Variants in PRMT8 observed in about 807,000 individuals in gnomAD.
PRMT8 encodes the protein protein arginine methyltransferase 8, also known as protein arginine N-methyltransferase 8.
In PRMT8, 7 loss-of-function variants were observed where a neutral mutation model predicts 47.1. The observed-to-expected ratio is 0.15, with a 90% confidence interval of 0.08 to 0.28. The LOEUF is 0.28. Among genes scored for constraint, PRMT8 ranks in the 10% least tolerant of loss-of-function variants. The pLI is 1.00. For synonymous variants in PRMT8, 188 were observed against 186.5 expected (o/e 1.01, Z -0.07); for missense variants, 237 against 505.4 (o/e 0.47, Z 5.09).
chr12:3,515,044 A>G (rs1270119240), intron 1 of PRMT8, among the ~76,000 whole-genome samples: 1 of 152,174 alleles, frequency 6.6e-6, no homozygotes, highest in Non-Finnish European at 1.5e-5. Flanking sequence ...TAAATCCTAA[A>G]AAAATCCTCT....
rs1238266036 is a variant in PRMT8, at chr12:3,409,644, T to C, written c.48+28202T>C. On this transcript the variant is annotated intron_variant, in intron 1 of 9. Coordinates refer to the PRMT8 transcript ENST00000452611. This position sits in a 1 kb window ranked among gnomAD's most constrained non-coding sequence, Gnocchi z 4.4. ...TTGGCCTGGGGGCGGGGGTGAGGTGTCCCATCTCAGTCAATGCTCTGTTTT... is the reference window on the plus strand; with the variant it reads ...TTGGCCTGGGGGCGGGGGTGAGGTGCCCCATCTCAGTCAATGCTCTGTTTT... Among the ~76,000 whole-genome samples the C allele has an allele frequency of 6.6e-6, 1 of 151,992 alleles. No homozygotes were observed. The highest frequency in any genetic ancestry group is 6.5e-5 in the Admixed American group (1 of 15,276).
At chr12:3,407,073 C>T (rs557098803) in intron 1 of PRMT8, among the ~76,000 whole-genome samples, 8 of 152,168 alleles carry the variant, frequency 5.3e-5, no homozygotes, top group South Asian at 2.1e-4. Flanking sequence ...ACAATCATGA[C>T]AGAAAGGGAA....
intron 1 of PRMT8, among the ~76,000 whole-genome samples, 156 bp downstream of exon 1, chr12:3,491,856 G>A (rs569914880): frequency 1.3e-4 from 14 of 108,148 alleles, no homozygotes; most frequent in South Asian, 3.8e-4. Flanking sequence ...GTGTGTGTGT[G>A]TGTGTGTGTG....
At position 3,535,005 on chromosome 12, in the gene PRMT8, G is replaced by A. The variant is rs752847149; in HGVS notation, c.76-5601G>A. ...CTATCTATAAAGTGCTTGGCGCAGC[G>A]CCTGGGGCGCAGTGGGCCCTTAGTC... On this transcript the variant is annotated intron_variant, in intron 1 of 9. Transcript: ENST00000382622. This position sits in a 1 kb window ranked among gnomAD's most constrained non-coding sequence, Gnocchi z 4.7. Among the ~76,000 whole-genome samples the A allele has an allele frequency of 1.1e-4, 16 of 152,258 alleles. No individual in the cohort carries two copies. The highest frequency in any genetic ancestry group is 1.8e-4 in the Non-Finnish European group (12 of 68,050).
intron 1 of PRMT8, among the ~76,000 whole-genome samples, chr12:3,434,918 A>G (rs1210374220): frequency 2.0e-5 from 3 of 151,414 alleles, no homozygotes; most frequent in Non-Finnish European, 4.4e-5. Flanking sequence ...CAGGCCAGAC[A>G]AAGATCTCAG....
chr12:3,476,569 A>ATC (rs1417703932), intron 1 of PRMT8, among the ~76,000 whole-genome samples: 7 of 152,004 alleles, frequency 4.6e-5, no homozygotes, highest in Admixed American at 6.6e-5. Context: ...TCCCTCTCCC[A>ATC]TCTCTCTCTC....
rs925271362 is a variant in PRMT8, at chr12:3,576,690, G to A, written c.713-181G>A. Among the ~76,000 whole-genome samples the A allele has an allele frequency of 3.9e-5, 6 of 152,172 alleles. No homozygotes were observed. The East Asian group carries it at 5.8e-4, about 15-fold the overall frequency. On this transcript the variant is annotated intron_variant, in intron 6 of 9. Transcript: ENST00000382622. The surrounding 1 kb of genome is among the most constrained non-coding windows in gnomAD (Gnocchi z 4.0). ...CTTTTCCCGAGGTAGAAATGGAAAT[G>A]GGAGTGAGCATTTGGCACATTGCAA...
At chr12:3,397,886 G>C (rs1331897977) in intron 1 of PRMT8, among the ~76,000 whole-genome samples, 1 of 152,210 alleles carries the variant, frequency 6.6e-6, no homozygotes. Context: ...AGGACCCTCC[G>C]AGCCAGGTGT....
At chr12:3,585,530 T>TA (rs1867152723) in intron 8 of PRMT8, among the ~76,000 whole-genome samples, 1 of 78,150 alleles carries the variant, frequency 1.3e-5, no homozygotes, top group South Asian at 3.3e-4. Context: ...GGATACTTTT[T>TA]AATTTTTTTT....
chr12:3,434,735 A>G (rs1846538178), intron 1 of PRMT8, among the ~76,000 whole-genome samples: 1 of 126,996 alleles, frequency 7.9e-6, no homozygotes, highest in Non-Finnish European at 1.7e-5. Flanking sequence ...GGTGAACATG[A>G]ATGAAGCCCC....
intron 1 of PRMT8, among the ~76,000 whole-genome samples, chr12:3,406,002 C>G (rs867796114): frequency 1.3e-5 from 2 of 152,224 alleles, no homozygotes; most frequent in South Asian, 2.1e-4. Context: ...GATGAGGGCT[C>G]CACCCCTGCA....
intron 1 of PRMT8, among the ~76,000 whole-genome samples, chr12:3,467,237 C>CT (rs1461100162): frequency 2.9e-5 from 1 of 34,482 alleles, no homozygotes; most frequent in Non-Finnish European, 6.0e-5. Flanking sequence ...AAGACTCCAT[C>CT]TCAAAAAAAA....
chr12:3,441,750 T>C (rs570357541), intron 1 of PRMT8, among the ~76,000 whole-genome samples: 58 of 152,228 alleles, frequency 3.8e-4, no homozygotes, highest in Non-Finnish European at 6.9e-4. Context: ...TGCAATGTAA[T>C]TGGGAATATT....
In PRMT8 at chr12:3,576,438, A is replaced by T. The variant is rs1373756340; in HGVS notation, c.713-433A>T. On this transcript the variant is annotated intron_variant, in intron 6 of 9. Coordinates refer to ENST00000382622, the MANE Select transcript of PRMT8 (RefSeq NM_019854.5). The surrounding 1 kb of genome is among the most constrained non-coding windows in gnomAD (Gnocchi z 4.0). ...GAAAAGGGAGAGAGATGGGCCTTCT[A>T]GGTCTTCTAGGTGTGGAGAACAGCT... Among the ~76,000 whole-genome samples the T allele has an allele frequency of 1.3e-5, 2 of 152,190 alleles. No homozygotes were observed. The highest frequency in any genetic ancestry group is 6.5e-5 in the Admixed American group (1 of 15,276).
At chr12:3,484,709 G>A (rs879879387) in intron 1 of PRMT8, among the ~76,000 whole-genome samples, 1 of 152,190 alleles carries the variant, frequency 6.6e-6, no homozygotes, top group Non-Finnish European at 1.5e-5. Flanking sequence ...TCTGTTAAAC[G>A]CCTCCTTCAT....
At chr12:3,457,459 C>A (rs981171786) in intron 1 of PRMT8, among the ~76,000 whole-genome samples, 4 of 152,074 alleles carry the variant, frequency 2.6e-5, no homozygotes, top group African/African-American at 9.7e-5. Flanking sequence ...CAGGTGCATG[C>A]GCCACCACAT....
intron 1 of PRMT8, among the ~76,000 whole-genome samples, chr12:3,382,567 AT>A (rs1460766564): frequency 2.0e-5 from 3 of 152,082 alleles, no homozygotes; most frequent in South Asian, 2.1e-4. Context: ...CCGTTTTCTA[AT>A]TTTTTTAATG....
intron 2 of PRMT8, among the ~76,000 whole-genome samples, chr12:3,549,512 A>T (rs536485252): frequency 5.0e-4 from 54 of 107,470 alleles, no homozygotes; most frequent in African/African-American, 1.8e-3. Flanking sequence ...TTTTTTTTTA[A>T]AAAAAAGGCA....
At chr12:3,518,252 G>A (rs532744764) in intron 1 of PRMT8, among the ~76,000 whole-genome samples, 1 of 152,262 alleles carries the variant, frequency 6.6e-6, no homozygotes, top group East Asian at 1.9e-4. Flanking sequence ...GGAAGAATTA[G>A]AACAACGTGA....
Sources: allele counts gnomAD v4.1 joint callset (sites outside exome capture counted in the v4.1 genomes callset), GRCh38; gene constraint gnomAD v4.1.1; non-coding constraint Gnocchi (gnomAD v3.1); transcripts MANE v1.5; gene names NCBI Gene and HGNC (gene_info 2026-07-23, HGNC 2026-07-21).